The following PGD variants were observed in gnomAD, a reference collection of about 807,000 sequenced individuals.
The protein encoded by PGD is phosphogluconate dehydrogenase.
A neutral mutation model predicts 60.4 loss-of-function variants in PGD; 21 were observed. The observed-to-expected ratio is 0.35, with a 90% CI of 0.25 to 0.50. The LOEUF (loss-of-function observed/expected upper bound fraction) is 0.50, where lower values mean the gene tolerates loss of function less well. PGD is among the 20% of genes least tolerant of loss of function. PGD has a pLI of 0.98. For missense variants in PGD, 477 were observed against 613.1 expected, an observed-to-expected ratio of 0.78 and a Z score of 2.34; for synonymous variants, 230 against 235.9, an observed-to-expected ratio of 0.97 and a Z score of 0.23.
intron 5 of PGD, among the ~76,000 whole-genome samples, chr1:10,407,844 G>C (rs1040344059): frequency 6.6e-6 from 1 of 151,990 alleles, no homozygotes; most frequent in African/African-American, 2.4e-5. Flanking sequence ...CACTTAGGGG[G>C]CCGAGGCAGG....
At chr1:10,410,653 AG>A (rs1639484983) in intron 6 of PGD, among the ~76,000 whole-genome samples, 1 of 152,062 alleles carries the variant, frequency 6.6e-6, no homozygotes, top group Non-Finnish European at 1.5e-5. Context: ...CCTTTGTTCC[AG>A]TTCTTGACAA....
In PGD at chr1:10,417,387, T is replaced by A. The variant is rs1639614887; in HGVS notation, c.987T>A (p.Ala329=). The A allele has an allele frequency of 3.7e-6, 6 of 1,610,928 alleles. No homozygotes were observed. The highest frequency in any genetic ancestry group is 4.2e-6 in the Non-Finnish European group (5 of 1,178,742). The stretch of plus-strand genomic sequence containing the variant: ...GTGTCACTCTTTAGGCACTCTACGC[T>A]TCCAAGATCATCTCTTACGCTCAAG... The part of the protein sequence containing the change: ...FLEDIRKALY[A]SKIISYAQGF... Residue 329 remains alanine, a synonymous_variant, in exon 10 of 13, where the codon GCT becomes GCA. Transcript: ENST00000270776.
In PGD at chr1:10,420,439, T is replaced by C. The variant is rs1197242520; in HGVS notation, c.*690T>C. Among the ~76,000 whole-genome samples the C allele has an allele frequency of 6.7e-6, 1 of 150,296 alleles. No individual in the cohort carries two copies. Among genetic ancestry groups the C allele is most frequent in the Admixed American group, 6.7e-5 (1 of 14,932 alleles). On this transcript the variant is annotated 3_prime_UTR_variant, in exon 13 of 13. Transcript: ENST00000270776. ...GCTCCTGGCAAGCTGTGCGTGACAT[T>C]CTTTATGGCTTTTTGTATGTCAAAT... is the stretch of plus-strand genomic sequence containing the variant.
chr1:10,413,973 T>C (rs1304037527), intron 8 of PGD, among the ~76,000 whole-genome samples: 2 of 151,840 alleles, frequency 1.3e-5, no homozygotes, highest in Non-Finnish European at 2.9e-5. Context: ...TGAGAATCGC[T>C]TGAACCCAGG....
intron 6 of PGD, 33 bp from the exon 7 acceptor site, chr1:10,411,385 C>A (rs760776517): frequency 9.9e-6 from 16 of 1,611,094 alleles, no homozygotes; most frequent in Non-Finnish European, 1.4e-5. Context: ...GCCTGTTTCT[C>A]TGAAGGCCTC....
In PGD at chr1:10,401,963, C is replaced by T. The variant is rs146937824; in HGVS notation, c.265-1108C>T. Among the ~76,000 whole-genome samples, 200 of 151,614 alleles carry T rather than the reference C, an allele frequency of 1.3e-3. 1 individual carries two copies. The highest frequency in any genetic ancestry group is 2.7e-3 in the East Asian group (14 of 5,142). The stretch of plus-strand genomic sequence containing the variant: ...CCGGGAGGCAGAGCTTGCAGTGAGC[C>T]GAGATCACACCACTGCATTGCAGCC... On this transcript the variant is annotated intron_variant, in intron 3 of 12. Transcript: ENST00000270776.
chr1:10,399,488 C>T, intron 1 of PGD, 141 bp from the exon 2 acceptor site: 1 of 764,400 alleles, frequency 1.3e-6, no homozygotes, highest in South Asian at 1.7e-5. Flanking sequence ...AGCGTGCGCG[C>T]CCGGCTTCTG....
intron 1 of PGD, 132 bp from the exon 2 acceptor site, chr1:10,399,497 T>G: frequency 1.2e-6 from 1 of 831,470 alleles, no homozygotes; most frequent in South Asian, 1.6e-5. Flanking sequence ...GCCCGGCTTC[T>G]GGGGGCCCGC....
chr1:10,407,796 A>T (rs1010964418), intron 5 of PGD, among the ~76,000 whole-genome samples: 1 of 152,070 alleles, frequency 6.6e-6, no homozygotes, highest in Non-Finnish European at 1.5e-5. Flanking sequence ...ATCCAAAAAA[A>T]TGAGCTGGGT....
intron 5 of PGD, among the ~76,000 whole-genome samples, chr1:10,406,002 C>T (rs917848836): frequency 1.3e-5 from 2 of 151,970 alleles, no homozygotes; most frequent in Non-Finnish European, 2.9e-5. Context: ...TACAGGCACC[C>T]ACGACCACGC....
rs769719311 is a variant in PGD, at chr1:10,413,019, C to T, written c.655-43C>T. On this transcript the variant is annotated intron_variant, in intron 7 of 12. Coordinates refer to ENST00000270776, the MANE Select transcript of PGD (RefSeq NM_002631.4). ...TGGACAAGGGGCTTCCTTGCTCAGC[C>T]CTCATTCCTCTAACATGGTTCTCTC... 4 of 1,553,076 alleles carry T rather than the reference C, an allele frequency of 2.6e-6. No homozygotes were observed. The South Asian group carries it at 4.5e-5, about 17-fold the overall frequency.
chr1:10,419,775 G>A lies in PGD; in HGVS notation c.*26G>A, dbSNP rs1486076317. 2.5e-6 allele frequency: 4 copies of A among 1,613,608 alleles called. No homozygotes were observed. In the East Asian group the frequency reaches 6.7e-5, roughly 27 times the overall value. ...TCATGCTGCTCCTGTCACCCTCCAC[G>A]ATTCCACAGACCAGGACATTCCATG... is the stretch of plus-strand genomic sequence containing the variant. On this transcript the variant is annotated 3_prime_UTR_variant, in exon 13 of 13. Coordinates refer to ENST00000270776, the MANE Select transcript of PGD (RefSeq NM_002631.4).
chr1:10,420,470 A>G lies in PGD; in HGVS notation c.*721A>G, dbSNP rs1166195298. 7.2e-6 allele frequency among the ~76,000 whole-genome samples: 1 copy of G among 138,286 alleles called. No homozygotes were observed. Among genetic ancestry groups the G allele is most frequent in the African/African-American group, 2.7e-5 (1 of 36,468 alleles). The allele number at this position is 138,286 out of a possible 152,430, so 90.7% of individuals were successfully genotyped here. On this transcript the variant is annotated 3_prime_UTR_variant, in exon 13 of 13. Transcript: ENST00000270776. Reference sequence around the variant, plus strand: ...TGGCTTTTTGTATGTCAAATACTTCATACTAAACTTTCTAGAGAATTAAAC... The same window carrying G: ...TGGCTTTTTGTATGTCAAATACTTCGTACTAAACTTTCTAGAGAATTAAAC...
At chr1:10,399,386 G>A in intron 1 of PGD, 1 of 510,940 alleles carries the variant, frequency 2.0e-6, no homozygotes, top group Non-Finnish European at 3.4e-6. Flanking sequence ...GCCAGGCCTC[G>A]CCGAGTCTGC....
At chr1:10,403,773 CAA>C (rs1639354665) in intron 4 of PGD, among the ~76,000 whole-genome samples, 1 of 152,128 alleles carries the variant, frequency 6.6e-6, no homozygotes, top group African/African-American at 2.4e-5. Context: ...CTAATGGTAT[CAA>C]ATGCTGAGGG....
intron 5 of PGD, among the ~76,000 whole-genome samples, chr1:10,406,232 TAGAG>T (rs1055236447): frequency 6.6e-6 from 1 of 152,058 alleles, no homozygotes; most frequent in Non-Finnish European, 1.5e-5. Context: ...AACACAGAAG[TAGAG>T]AGGCCTTTCT....
At chr1:10,411,361 TTC>T in intron 6 of PGD, 55 bp from the exon 7 acceptor site, 1 of 1,599,548 alleles carries the variant, frequency 6.3e-7, no homozygotes. Flanking sequence ...TGATGTGGAC[TTC>T]TCTGATGTGT....
At position 10,419,614 on chromosome 1, in the gene PGD, C is replaced by G. The variant is rs199525398; in HGVS notation, c.1333-16C>G. The G allele has an allele frequency of 6.2e-7, 1 of 1,614,038 alleles. No homozygotes were observed. Among genetic ancestry groups the G allele is most frequent in the East Asian group, 2.2e-5 (1 of 44,884 alleles). On this transcript the variant is annotated splice_polypyrimidine_tract_variant and intron_variant, in intron 12 of 12. Transcript: ENST00000270776. ...GCCATGGACTGTCCTGACCAACCTA[C>G]TCTCTCGTTTCCTAGGCTCAGCGGG... is the stretch of plus-strand genomic sequence containing the variant.
At chr1:10,415,399 A>G (rs985269725) in intron 8 of PGD, 1 of 152,204 alleles carries the variant, frequency 6.6e-6, no homozygotes, top group Non-Finnish European at 1.5e-5. Context: ...ATGTGTAAGT[A>G]TTAGGATCTC....
Sources: allele counts gnomAD v4.1 joint callset (sites outside exome capture counted in the v4.1 genomes callset), GRCh38; gene constraint gnomAD v4.1.1; transcripts MANE v1.5; gene names NCBI Gene and HGNC (gene_info 2026-07-23, HGNC 2026-07-21).